Variants in ERICH6B observed in about 807,000 individuals in gnomAD.
ERICH6B encodes glutamate rich 6B.
A neutral mutation model predicts 80.0 loss-of-function variants in ERICH6B; 69 were observed. The ratio of observed to expected loss-of-function variants is 0.86; its 90% CI spans 0.71 to 1.05. The LOEUF (loss-of-function observed/expected upper bound fraction) is 1.05, where lower values mean the gene tolerates loss of function less well. ERICH6B is among the 50% of genes least tolerant of loss of function. The pLI is 0.00. For missense variants in ERICH6B, 754 were observed against 796.1 expected, an observed-to-expected ratio of 0.95 and a Z score of 0.64; for synonymous variants, 283 against 291.9, an observed-to-expected ratio of 0.97 and a Z score of 0.31.
At chr13:45,557,202 AT>A (rs1418840652) in intron 11 of ERICH6B, among the ~76,000 whole-genome samples, 2 of 151,560 alleles carry the variant, frequency 1.3e-5, no homozygotes, top group South Asian at 4.2e-4. Flanking sequence ...GATGTTGAGC[AT>A]TTTTTCACGT....
intron 11 of ERICH6B, among the ~76,000 whole-genome samples, chr13:45,558,207 AGAGTT>A (rs1874517225): frequency 6.6e-6 from 1 of 152,120 alleles, no homozygotes; most frequent in Non-Finnish European, 1.5e-5. Context: ...TATTGTAAAA[AGAGTT>A]GAGATCTTGA....
intron 2 of ERICH6B, among the ~76,000 whole-genome samples, chr13:45,604,361 C>A (rs1053964125): frequency 3.3e-5 from 5 of 152,204 alleles, no homozygotes; most frequent in African/African-American, 1.2e-4. Context: ...AAATGTCCAA[C>A]CAGAAAGCCC....
intron 7 of ERICH6B, among the ~76,000 whole-genome samples, chr13:45,578,110 A>T (rs1875497377): frequency 6.6e-6 from 1 of 152,250 alleles, no homozygotes; most frequent in Admixed American, 6.5e-5. Flanking sequence ...AGTTGGTTTA[A>T]CAAGAACCGC....
At chr13:45,569,983 C>T (rs1476532394) in intron 8 of ERICH6B, among the ~76,000 whole-genome samples, 1 of 152,210 alleles carries the variant, frequency 6.6e-6, no homozygotes, top group Non-Finnish European at 1.5e-5. Flanking sequence ...ATTCTGTTTG[C>T]ATTTTATGTT....
At chr13:45,577,595 C>T (rs1875474230) in intron 7 of ERICH6B, among the ~76,000 whole-genome samples, 1 of 152,032 alleles carries the variant, frequency 6.6e-6, no homozygotes, top group African/African-American at 2.4e-5. Flanking sequence ...AGTGCCTCTC[C>T]TCTATCATTT....
rs908179361 is a variant in ERICH6B, at chr13:45,607,560, T to C, written c.-59+4A>G. On this transcript the variant is annotated splice_donor_region_variant and intron_variant, in intron 2 of 14. Transcript: ENST00000298738. The stretch of plus-strand genomic sequence containing the variant: ...CCCAGTCAGGCTCCTGGCTGAGTAC[T>C]TACAATGTCAGGGGGTAAACTGAGT... The C allele has an allele frequency of 2.0e-5, 3 of 152,440 alleles. No homozygotes were observed. The highest frequency in any genetic ancestry group is 6.5e-5 in the Admixed American group (1 of 15,272). 9.4% of individuals were successfully genotyped at this position (152,440 alleles called of 1,614,324 possible).
chr13:45,596,112 A>G (rs953628787), intron 3 of ERICH6B, among the ~76,000 whole-genome samples: 23 of 152,186 alleles, frequency 1.5e-4, no homozygotes, highest in Admixed American at 1.1e-3. Context: ...CTATTGTATT[A>G]TAGTTGTGAG....
At position 45,579,943 on chromosome 13, in the gene ERICH6B, C is replaced by T. The variant is rs765220425; in HGVS notation, c.951G>A (p.Lys317=). ...EHVNTKVQQK[K]EENVLEFASK... ...ATGTCAGATGCTCACCATTTTCTTC[C>T]TTTTTTTGCTGTACTTTAGTGTTAA... The change falls in exon 7 of 15, where the codon AAG becomes AAA. Residue 317 remains lysine, a synonymous_variant. Transcript: ENST00000298738. The T allele has an allele frequency of 1.3e-4, 207 of 1,551,440 alleles. No individual in the cohort carries two copies. Among genetic ancestry groups the T allele is most frequent in the Non-Finnish European group, 1.7e-4 (194 of 1,146,878 alleles).
At chr13:45,603,552 T>C (rs1245331387) in intron 2 of ERICH6B, among the ~76,000 whole-genome samples, 1 of 152,160 alleles carries the variant, frequency 6.6e-6, no homozygotes, top group Non-Finnish European at 1.5e-5. Flanking sequence ...CTGCTGGTCT[T>C]TCCTAACATG....
chr13:45,545,895 T>G (rs1284982559), intron 13 of ERICH6B, among the ~76,000 whole-genome samples: 1 of 152,212 alleles, frequency 6.6e-6, no homozygotes, highest in African/African-American at 2.4e-5. Context: ...TGGCTCCACG[T>G]GAGTTACATA....
rs1949875281 is a variant in ERICH6B, at chr13:45,607,549, T to C, written c.-59+15A>G. 1 of 152,440 alleles carries C rather than the reference T, an allele frequency of 6.6e-6. No homozygotes were observed. The highest frequency in any genetic ancestry group is 2.1e-4 in the South Asian group (1 of 4,828). 9.4% of individuals were successfully genotyped at this position (152,440 alleles called of 1,614,324 possible). A position where few individuals can be genotyped will look rare whatever the true frequency, so the allele number is the denominator to read the frequency against. ...GGACAATGGAGCCCAGTCAGGCTCC[T>C]GGCTGAGTACTTACAATGTCAGGGG... On this transcript the variant is annotated intron_variant, in intron 2 of 14. Transcript: ENST00000298738.
chr13:45,613,321 G>A (rs2138044129), intron 1 of ERICH6B, among the ~76,000 whole-genome samples: 1 of 152,266 alleles, frequency 6.6e-6, no homozygotes, highest in South Asian at 2.1e-4. Flanking sequence ...AGAAAAGCTG[G>A]TTGTACAGAC....
chr13:45,546,608 G>T (rs1429542289), intron 13 of ERICH6B, among the ~76,000 whole-genome samples: 1 of 152,130 alleles, frequency 6.6e-6, no homozygotes, highest in African/African-American at 2.4e-5. Context: ...CCCAGGTCTG[G>T]GAGGTTTTGG....
At chr13:45,608,640 G>T (rs997869246) in intron 1 of ERICH6B, among the ~76,000 whole-genome samples, 1 of 152,004 alleles carries the variant, frequency 6.6e-6, no homozygotes, top group Non-Finnish European at 1.5e-5. Flanking sequence ...ACCTAAAAAG[G>T]GAAAGAAAAT....
At chr13:45,591,982 A>T (rs909975145) in intron 3 of ERICH6B, among the ~76,000 whole-genome samples, 3 of 152,204 alleles carry the variant, frequency 2.0e-5, no homozygotes, top group African/African-American at 7.2e-5. Context: ...GAAACAAAGC[A>T]TGAAAGGAGG....
At chr13:45,588,332 C>A (rs941877696) in intron 4 of ERICH6B, among the ~76,000 whole-genome samples, 4 of 152,194 alleles carry the variant, frequency 2.6e-5, no homozygotes, top group African/African-American at 4.8e-5. Context: ...GCCGGCCCAG[C>A]AGCCTGGGGC....
In ERICH6B at chr13:45,552,615, A is replaced by G. The variant is rs780230136; in HGVS notation, c.1408-2299T>C. On this transcript the variant is annotated intron_variant, in intron 11 of 14. Coordinates refer to ENST00000298738, the MANE Select transcript of ERICH6B (RefSeq NM_182542.3). Reference sequence around the variant, plus strand: ...TATTTTGATTTTTTTTGAAGAAACAATAGTTTTTCTAACCAAGTGACCCAG... The same window carrying G: ...TATTTTGATTTTTTTTGAAGAAACAGTAGTTTTTCTAACCAAGTGACCCAG... Among the ~76,000 whole-genome samples the G allele has an allele frequency of 1.0e-3, 152 of 151,822 alleles. 1 individual carries two copies. The highest frequency in any genetic ancestry group is 1.8e-3 in the Non-Finnish European group (123 of 67,990).
chr13:45,610,232 C>T (rs1346730437), intron 1 of ERICH6B, among the ~76,000 whole-genome samples: 1 of 152,052 alleles, frequency 6.6e-6, no homozygotes, highest in African/African-American at 2.4e-5. Context: ...ATGTCTGACA[C>T]CTATGGCTCC....
intron 3 of ERICH6B, 113 bp from the exon 4 acceptor site, chr13:45,590,810 T>C: frequency 1.2e-6 from 1 of 832,566 alleles, no homozygotes; most frequent in South Asian, 1.9e-5. Context: ...ATTTTCTATT[T>C]TTACTTTTCT....
Sources: gnomAD v4.1 joint callset for allele counts (sites outside exome capture counted in the v4.1 genomes callset) on GRCh38, gnomAD v4.1.1 for gene constraint, MANE v1.5 for transcripts, NCBI Gene and HGNC (gene_info 2026-07-23, HGNC 2026-07-21) for gene names.